The following RHOBTB3 variants were observed in gnomAD, a reference collection of about 807,000 sequenced individuals.
RHOBTB3 encodes the protein rho-related BTB domain-containing protein 3.
RHOBTB3 carries 47 observed loss-of-function variants against 67.2 expected under a neutral mutation model. The observed-to-expected ratio is 0.70, with a 90% CI of 0.55 to 0.89. The LOEUF (loss-of-function observed/expected upper bound fraction) is 0.89, where lower values mean the gene tolerates loss of function less well. Among genes scored for constraint, RHOBTB3 ranks in the 40% least tolerant of loss-of-function variants. The pLI, the probability that RHOBTB3 is intolerant of heterozygous loss-of-function variation, is 0.00. For synonymous variants in RHOBTB3, 273 were observed against 274.2 expected, an observed-to-expected ratio of 1.00 and a Z score of 0.04; for missense variants, 631 against 750.0, an observed-to-expected ratio of 0.84 and a Z score of 1.85.
At chr5:95,785,400 G>C (rs930267584) in intron 10 of RHOBTB3, among the ~76,000 whole-genome samples, 4 of 152,088 alleles carry the variant, frequency 2.6e-5, no homozygotes, top group Admixed American at 1.3e-4. Flanking sequence ...GACCATCCTG[G>C]CTAACACAGT....
Position 95,732,027 on chromosome 5 carries a change from G to T in RHOBTB3, c.171G>T (p.Glu57Asp). 1.2e-6 allele frequency: 2 copies of T among 1,614,202 alleles called. No individual in the cohort carries two copies. Among genetic ancestry groups the T allele is most frequent in the Non-Finnish European group, 1.7e-6 (2 of 1,180,032 alleles). Residue 57 changes from glutamate (E) to aspartate (D), a missense_variant, in exon 2 of 12, where the codon GAG becomes GAT. Coordinates refer to ENST00000379982, the MANE Select transcript of RHOBTB3 (RefSeq NM_014899.4). ...ASTVARPVFT[E>D]YQASAFGNVK... ...CGGTCGCGCGTCCGGTGTTCACCGAGTATCAGGCCAGTGCGTTTGGGAATG... is the reference window on the plus strand; with the variant it reads ...CGGTCGCGCGTCCGGTGTTCACCGATTATCAGGCCAGTGCGTTTGGGAATG...
At chr5:95,720,495 G>A (rs1754837858) in intron 1 of RHOBTB3, among the ~76,000 whole-genome samples, 1 of 152,342 alleles carries the variant, frequency 6.6e-6, no homozygotes, top group African/African-American at 2.4e-5. Context: ...GTCTAGCATG[G>A]AGAGTTACTA....
intron 1 of RHOBTB3, among the ~76,000 whole-genome samples, chr5:95,721,107 CA>C (rs936282163): frequency 1.3e-5 from 2 of 152,124 alleles, no homozygotes; most frequent in Non-Finnish European, 2.9e-5. Flanking sequence ...GACTTAAAGG[CA>C]AAAAACCTTG....
chr5:95,767,734 A>G (rs997038448), intron 7 of RHOBTB3: 4 of 682,652 alleles, frequency 5.9e-6, no homozygotes, highest in African/African-American at 5.3e-5. Flanking sequence ...GAGTTGGACT[A>G]CTGTTGTCTG....
At chr5:95,730,413 TGTTA>T (rs1220348035), upstream of RHOBTB3, among the ~76,000 whole-genome samples, 1 of 152,164 alleles carries the variant, frequency 6.6e-6, no homozygotes, top group Non-Finnish European at 1.5e-5. Flanking sequence ...CCCATTTTGG[TGTTA>T]GTAAGTGGAT....
At chr5:95,768,236 C>T in intron 8 of RHOBTB3, 70 bp downstream of exon 8, 1 of 1,466,650 alleles carries the variant, frequency 6.8e-7, no homozygotes, top group African/African-American at 1.4e-5. Context: ...CTTTCTACTT[C>T]AGGTTTGAAT....
At position 95,731,498 on chromosome 5, in the gene RHOBTB3, C is replaced by T. The variant is rs1755243756; in HGVS notation, c.-185C>T. 8.0e-7 allele frequency: 1 copy of T among 1,245,406 alleles called. No individual in the cohort carries two copies. Among genetic ancestry groups the T allele is most frequent in the South Asian group, 3.4e-5 (1 of 29,336 alleles). 77.1% of individuals were successfully genotyped at this position (1,245,406 alleles called of 1,614,324 possible). A position where few individuals can be genotyped will look rare whatever the true frequency, so the allele number is the denominator to read the frequency against. ...CCGCCCGCTAGCCCGCCCTGGTCCC[C>T]GGCTCGCTCGCTGGCTGGCGCGGCC... On this transcript the variant is annotated 5_prime_UTR_variant, in exon 1 of 12. Coordinates refer to ENST00000379982, the MANE Select transcript of RHOBTB3 (RefSeq NM_014899.4).
In RHOBTB3 at chr5:95,748,370, C is replaced by G. The variant is rs920247446; in HGVS notation, c.453C>G (p.Asp151Glu). The G allele has an allele frequency of 1.9e-6, 3 of 1,612,662 alleles. No individual in the cohort carries two copies. The African/African-American group carries it at 4.0e-5, about 22-fold the overall frequency. ...GTACATGCCCACTATGTACCTCAGA[C>G]AGAGGGAGCTGTGTTAGTACAACTG... ...LPCTCPLCTS[D>E]RGSCVSTTEG... The change falls in exon 4 of 12, where the codon GAC becomes GAG. Residue 151 changes from aspartate (D) to glutamate (E), a missense_variant. By Grantham distance (45) the Asp-to-Glu change is conservative (BLOSUM62 2). Transcript: ENST00000379982.
At chr5:95,771,780 G>A (rs755248153) in intron 8 of RHOBTB3, among the ~76,000 whole-genome samples, 3 of 152,144 alleles carry the variant, frequency 2.0e-5, no homozygotes, top group Non-Finnish European at 4.4e-5. Context: ...GTCTGTTGAT[G>A]AAGACATTTA....
At chr5:95,724,021 G>T (rs1754974929) in intron 1 of RHOBTB3, among the ~76,000 whole-genome samples, 1 of 152,148 alleles carries the variant, frequency 6.6e-6, no homozygotes, top group Non-Finnish European at 1.5e-5. Context: ...TGTATTAATG[G>T]TGATACGTCA....
upstream of RHOBTB3, chr5:95,731,065 C>T: frequency 9.1e-7 from 1 of 1,095,186 alleles, no homozygotes; most frequent in Non-Finnish European, 1.1e-6. Flanking sequence ...GCGAGTTGAA[C>T]AAACTTGCTG....
intron 10 of RHOBTB3, among the ~76,000 whole-genome samples, chr5:95,785,898 C>G (rs565019938): frequency 1.3e-5 from 2 of 152,246 alleles, no homozygotes; most frequent in South Asian, 4.1e-4. Flanking sequence ...CTCACTGCCC[C>G]CCTACACTTG....
chr5:95,731,867 A>G lies in RHOBTB3; in HGVS notation c.11A>G (p.His4Arg). Residue 4 changes from histidine (H) to arginine (R), a missense_variant, in exon 2 of 12, where the codon CAC (histidine) becomes CGC (arginine). His to Arg is a conservative substitution (Grantham distance 29, BLOSUM62 0). Transcript: ENST00000379982. MSI[H>R]IVALGNEGDT... Reference sequence around the variant, plus strand: ...CCCCTCTGTCCGTGCAGGTCCATCCACATCGTGGCGCTGGGGAACGAGGGG... The same window carrying G: ...CCCCTCTGTCCGTGCAGGTCCATCCGCATCGTGGCGCTGGGGAACGAGGGG... 1 of 1,612,696 alleles carries G rather than the reference A, an allele frequency of 6.2e-7. No homozygotes were observed. The highest frequency in any genetic ancestry group is 8.5e-7 in the Non-Finnish European group (1 of 1,179,016).
At position 95,737,026 on chromosome 5, in the gene RHOBTB3, A is replaced by G. The variant is rs373637979; in HGVS notation, c.366A>G (p.Ala122=). The G allele has an allele frequency of 1.2e-6, 2 of 1,605,332 alleles. No homozygotes were observed. The highest frequency in any genetic ancestry group is 1.7e-6 in the Non-Finnish European group (2 of 1,172,832). ...ATTATATTCCAGTGATAAAAAGAGC[A>G]TTAAATTCAGTTCCAGTAATTATTG... ...KDNYIPVIKR[A]LNSVPVIIAA... is the part of the protein sequence containing the mutation. Residue 122 remains alanine, a synonymous_variant, in exon 3 of 12, where the codon GCA becomes GCG. Coordinates refer to ENST00000379982, the MANE Select transcript of RHOBTB3 (RefSeq NM_014899.4).
In RHOBTB3 at chr5:95,783,926, T is replaced by G; in HGVS notation, c.1586T>G (p.Met529Arg). ...ATGCCAAGCAGGGAACTGGCATCCA[T>G]GAACCTTGATATAGTTGACCTGCTT... ...QSMPSRELAS[M>R]NLDIVDLLKK... Residue 529 changes from methionine (M) to arginine (R), a missense_variant, in exon 10 of 12, where the codon ATG becomes AGG. Met to Arg is a moderately conservative substitution (Grantham distance 91). Transcript: ENST00000379982. 6 of 1,613,916 alleles carry G rather than the reference T, an allele frequency of 3.7e-6. No homozygotes were observed. The highest frequency in any genetic ancestry group is 5.1e-6 in the Non-Finnish European group (6 of 1,179,816).
intron 5 of RHOBTB3, among the ~76,000 whole-genome samples, chr5:95,754,910 C>T (rs1745198078): frequency 6.6e-6 from 1 of 152,142 alleles, no homozygotes; most frequent in South Asian, 2.1e-4. Flanking sequence ...TACTTCTGGT[C>T]CCAGGAGGAA....
At chr5:95,752,947 C>T (rs541499217) in intron 5 of RHOBTB3, among the ~76,000 whole-genome samples, 11 of 151,920 alleles carry the variant, frequency 7.2e-5, no homozygotes, top group Admixed American at 3.3e-4. Context: ...CTGGCTAACA[C>T]GGTGAAACCC....
At chr5:95,739,720 T>C (rs962153264) in intron 3 of RHOBTB3, among the ~76,000 whole-genome samples, 4 of 152,026 alleles carry the variant, frequency 2.6e-5, no homozygotes, top group Admixed American at 6.5e-5. Flanking sequence ...CCCAGCCAGT[T>C]TTTTTATAGA....
At chr5:95,736,027 G>A (rs765647550) in intron 2 of RHOBTB3, among the ~76,000 whole-genome samples, 1 of 152,064 alleles carries the variant, frequency 6.6e-6, no homozygotes, top group Non-Finnish European at 1.5e-5. Flanking sequence ...GCTTGAACTT[G>A]GGAGGTGGAG....
Sources: allele counts gnomAD v4.1 joint callset (sites outside exome capture counted in the v4.1 genomes callset), GRCh38; gene constraint gnomAD v4.1.1; transcripts MANE v1.5; gene names NCBI Gene and HGNC (gene_info 2026-07-23, HGNC 2026-07-21).